CADM2: variants seen among roughly 807,000 people sequenced by gnomAD.
CADM2 encodes immunoglobulin superfamily member 4D.
CADM2 carries 12 observed loss-of-function variants against 49.8 expected under a neutral mutation model. That is an observed-to-expected ratio of 0.24 (90% confidence interval 0.15 to 0.39). The LOEUF is 0.39. Among genes scored for constraint, CADM2 ranks in the 10% least tolerant of loss-of-function variants. The pLI, the probability that CADM2 is intolerant of heterozygous loss-of-function variation, is 1.00. For missense variants in CADM2, 378 were observed against 492.3 expected (o/e 0.77, Z 2.20); for synonymous variants, 214 against 175.4 (o/e 1.22, Z -1.74).
At chr3:85,820,379 G>A (rs1277019558) in intron 3 of CADM2, among the ~76,000 whole-genome samples, 1 of 152,108 alleles carries the variant, frequency 6.6e-6, no homozygotes, top group East Asian at 1.9e-4. Flanking sequence ...TCAGAAGCAG[G>A]GAGACCAATT....
At chr3:84,988,128 T>A (rs141284052) in intron 1 of CADM2, among the ~76,000 whole-genome samples, 1 of 152,334 alleles carries the variant, frequency 6.6e-6, no homozygotes, top group East Asian at 1.9e-4. Flanking sequence ...AGAGCCAGAT[T>A]GGATGCTGCT....
At chr3:85,705,002 G>C (rs1382589299) in intron 1 of CADM2, among the ~76,000 whole-genome samples, 1 of 149,528 alleles carries the variant, frequency 6.7e-6, no homozygotes, top group Non-Finnish European at 1.5e-5. Context: ...GGGACTATAG[G>C]TGCCCACCAC....
At chr3:85,621,969 C>T (rs9826759) in intron 1 of CADM2, among the ~76,000 whole-genome samples, 66,586 of 152,060 alleles carry the variant, frequency 0.44, 16,238 homozygotes, top group African/African-American at 0.66. Flanking sequence ...AGGGTTAGTT[C>T]AGTTTTACAA....
intron 8 of CADM2, among the ~76,000 whole-genome samples, chr3:85,981,143 CAG>C (rs1332428512): frequency 6.6e-6 from 1 of 151,200 alleles, no homozygotes; most frequent in East Asian, 1.9e-4. Flanking sequence ...TATTTTGCTT[CAG>C]AGGACTATAT....
intron 1 of CADM2, among the ~76,000 whole-genome samples, chr3:85,594,736 A>G (rs1457359438): frequency 6.6e-6 from 1 of 152,008 alleles, no homozygotes; most frequent in Non-Finnish European, 1.5e-5. Flanking sequence ...TTGTTTTCAT[A>G]AGTCTACTAT....
At chr3:85,460,138 T>G (rs2038174437) in intron 1 of CADM2, among the ~76,000 whole-genome samples, 1 of 152,118 alleles carries the variant, frequency 6.6e-6, no homozygotes, top group Admixed American at 6.6e-5. Flanking sequence ...GTCTGAGAAG[T>G]TAGTGTTTGT....
intron 1 of CADM2, among the ~76,000 whole-genome samples, chr3:85,405,529 T>C (rs1365844248): frequency 6.6e-6 from 1 of 152,092 alleles, no homozygotes. Flanking sequence ...TCAGAATCCT[T>C]AACAAATTCA....
intron 1 of CADM2, among the ~76,000 whole-genome samples, chr3:85,457,328 G>T (rs772637207): frequency 6.6e-6 from 1 of 151,790 alleles, no homozygotes; most frequent in African/African-American, 2.4e-5. Context: ...CAGGAAGGTC[G>T]CTTGAGCCTA....
chr3:85,085,359 G>A (rs1439967447), intron 1 of CADM2, among the ~76,000 whole-genome samples: 2 of 151,818 alleles, frequency 1.3e-5, no homozygotes, highest in South Asian at 4.1e-4. Context: ...CATCCTCTAG[G>A]TTCATAGTTG....
At chr3:85,460,981 T>G (rs748410679) in intron 1 of CADM2, among the ~76,000 whole-genome samples, 1 of 152,168 alleles carries the variant, frequency 6.6e-6, no homozygotes, top group Non-Finnish European at 1.5e-5. Flanking sequence ...GGGAAAATCT[T>G]GTATTATTTT....
intron 7 of CADM2, among the ~76,000 whole-genome samples, chr3:85,956,100 G>A (rs1724018420): frequency 6.6e-6 from 1 of 151,620 alleles, no homozygotes; most frequent in East Asian, 1.9e-4. Flanking sequence ...GATGGACTAA[G>A]TGTTCTCATG....
rs1041433265 is a variant in CADM2 at position 85,757,745 on chromosome 3, T to C, written c.88+31197T>C. Among the ~76,000 whole-genome samples the C allele has an allele frequency of 2.0e-5, 3 of 152,214 alleles. No homozygotes were observed. In the South Asian group the frequency reaches 6.2e-4, roughly 32 times the overall value. On this transcript the variant is annotated intron_variant, in intron 2 of 9. Transcript: ENST00000383699. ...AGTATATAATGCAAGAATAAAGTGA[T>C]TGGAGATGAGGCTGGAGAGTGAGAG...
At chr3:85,084,604 T>A (rs749943095) in intron 1 of CADM2, among the ~76,000 whole-genome samples, 7 of 152,166 alleles carry the variant, frequency 4.6e-5, no homozygotes, top group African/African-American at 9.6e-5. Context: ...CTTACACTGA[T>A]TACATGGTGA....
intron 3 of CADM2, among the ~76,000 whole-genome samples, chr3:85,852,452 A>G (rs1559701015): frequency 6.6e-6 from 1 of 152,158 alleles, no homozygotes; most frequent in Non-Finnish European, 1.5e-5. Flanking sequence ...CATTAAATAA[A>G]TACTCATTGA....
intron 1 of CADM2, among the ~76,000 whole-genome samples, chr3:85,083,179 C>A (rs980861308): frequency 1.4e-4 from 21 of 152,170 alleles, no homozygotes; most frequent in African/African-American, 5.1e-4. Flanking sequence ...TGTCTGTCCT[C>A]TAAATAAGAA....
intron 1 of CADM2, among the ~76,000 whole-genome samples, chr3:85,228,315 G>A (rs1402502038): frequency 6.6e-6 from 1 of 151,922 alleles, no homozygotes; most frequent in Admixed American, 6.6e-5. Flanking sequence ...TGGAAGCTTT[G>A]TTCACTTCTT....
intron 3 of CADM2, among the ~76,000 whole-genome samples, chr3:85,824,211 T>G (rs1041681297): frequency 6.6e-6 from 1 of 152,142 alleles, no homozygotes. Context: ...TACAAGAATA[T>G]TGAAGCAGAG....
intron 1 of CADM2, among the ~76,000 whole-genome samples, chr3:85,014,322 A>G (rs899448543): frequency 1.1e-4 from 17 of 151,662 alleles, no homozygotes; most frequent in Non-Finnish European, 1.8e-4. Context: ...CATAACATTT[A>G]TTGCAGAATG....
chr3:85,064,978 T>C (rs1198063120), intron 1 of CADM2, among the ~76,000 whole-genome samples: 2 of 152,144 alleles, frequency 1.3e-5, no homozygotes, highest in East Asian at 1.9e-4. Context: ...ACAATATCTG[T>C]TGAATATAAC....
Sources: gnomAD v4.1 joint callset for allele counts (sites outside exome capture counted in the v4.1 genomes callset) on GRCh38, gnomAD v4.1.1 for gene constraint, MANE v1.5 for transcripts, NCBI Gene and HGNC (gene_info 2026-07-23, HGNC 2026-07-21) for gene names.